NELFA: variants seen among roughly 807,000 people sequenced by gnomAD.
The protein encoded by NELFA is negative elongation factor A.
Under a neutral mutation model 51.8 loss-of-function variants are expected in NELFA, and 35 were observed. The ratio of observed to expected loss-of-function variants is 0.68; its 90% CI spans 0.52 to 0.90. The LOEUF is 0.90. Ranked by LOEUF, NELFA falls within the 40% of genes least tolerant of loss-of-function variation. NELFA has a pLI of 0.00. For synonymous variants in NELFA, 417 were observed against 338.4 expected, an observed-to-expected ratio of 1.23 and a Z score of -2.55; for missense variants, 658 against 746.4, an observed-to-expected ratio of 0.88 and a Z score of 1.38.
At chr4:2,001,907 G>GAA (rs34649516) in intron 1 of NELFA, among the ~76,000 whole-genome samples, 5 of 121,148 alleles carry the variant, frequency 4.1e-5, no homozygotes, top group South Asian at 2.7e-4. Flanking sequence ...TGTCTCAAAA[G>GAA]AAAAAAAAAA....
chr4:2,005,391 A>C (rs1296093370), intron 1 of NELFA, among the ~76,000 whole-genome samples: 1 of 152,160 alleles, frequency 6.6e-6, no homozygotes, highest in Non-Finnish European at 1.5e-5. Context: ...TAGAAAAAAA[A>C]AATTTTGCAA....
At chr4:2,001,379 A>G (rs936090200) in intron 1 of NELFA, among the ~76,000 whole-genome samples, 1 of 152,206 alleles carries the variant, frequency 6.6e-6, no homozygotes, top group African/African-American at 2.4e-5. Flanking sequence ...AGATGACATG[A>G]TTTTATATTT....
rs542750107 is a variant in NELFA, at chr4:2,004,730, C to T, written c.210+4020G>A. On this transcript the variant is annotated intron_variant, in intron 1 of 10. Transcript: ENST00000382882. Reference sequence around the variant, plus strand: ...CTCGAATGCCTGGGTTCAAGCAATCCGCCCATCTTGGCCTCCCAAAGTGCT... The same window carrying T: ...CTCGAATGCCTGGGTTCAAGCAATCTGCCCATCTTGGCCTCCCAAAGTGCT... Among the ~76,000 whole-genome samples the T allele has an allele frequency of 6.7e-5, 10 of 150,030 alleles. No individual in the cohort carries two copies. In the South Asian group the frequency reaches 1.1e-3, roughly 16 times the overall value.
rs1728665466 is a variant in NELFA at position 2,004,774 on chromosome 4, T to C, written c.210+3976A>G. 2.0e-5 allele frequency among the ~76,000 whole-genome samples: 3 copies of C among 149,528 alleles called. No individual in the cohort carries two copies. In the Admixed American group the frequency reaches 2.0e-4, roughly 10 times the overall value. ...AAGTGCTGAGATTACAGGCATGAGC[T>C]ACTGCACCCAGCTATACATTATATT... On this transcript the variant is annotated intron_variant, in intron 1 of 10. Coordinates refer to ENST00000382882, the MANE Select transcript of NELFA (RefSeq NM_005663.5).
At chr4:2,008,391 C>T (rs1452199508) in intron 1 of NELFA, among the ~76,000 whole-genome samples, 1 of 150,304 alleles carries the variant, frequency 6.7e-6, no homozygotes, top group Non-Finnish European at 1.5e-5. Context: ...ATTGAGGATC[C>T]CAGGGGAGGT....
At chr4:1,991,855 T>C in intron 1 of NELFA, 140 bp from the exon 2 acceptor site, 1 of 829,396 alleles carries the variant, frequency 1.2e-6, no homozygotes, top group Non-Finnish European at 1.8e-6. Context: ...AGGGCTCCCC[T>C]TCCTCTGAGC....
intron 1 of NELFA, among the ~76,000 whole-genome samples, chr4:1,994,905 T>A (rs1224893667): frequency 2.0e-5 from 3 of 151,724 alleles, no homozygotes; most frequent in African/African-American, 7.3e-5. Context: ...AGTGAACTGG[T>A]TGTAGAATTT....
chr4:2,006,449 A>G (rs1023653304), intron 1 of NELFA, among the ~76,000 whole-genome samples: 10 of 152,140 alleles, frequency 6.6e-5, no homozygotes, highest in African/African-American at 2.4e-4. Flanking sequence ...ATCTATGTTA[A>G]AACTAGGAGC....
At chr4:2,005,425 C>G (rs1188433939) in intron 1 of NELFA, among the ~76,000 whole-genome samples, 1 of 152,048 alleles carries the variant, frequency 6.6e-6, no homozygotes, top group Non-Finnish European at 1.5e-5. Flanking sequence ...AGCACAGATA[C>G]TAGTCACAAA....
chr4:1,992,452 C>G (rs1328717345), intron 1 of NELFA: 1 of 435,456 alleles, frequency 2.3e-6, no homozygotes, highest in African/African-American at 2.0e-5. Flanking sequence ...CCACATAAAC[C>G]CCCTCCCACG....
At chr4:1,996,289 T>A (rs1728421065) in intron 1 of NELFA, among the ~76,000 whole-genome samples, 1 of 152,164 alleles carries the variant, frequency 6.6e-6, no homozygotes, top group Admixed American at 6.5e-5. Context: ...TACACAGGGA[T>A]CAGTGAAGAA....
intron 1 of NELFA, among the ~76,000 whole-genome samples, chr4:2,002,328 T>C (rs1241198019): frequency 6.6e-6 from 1 of 152,206 alleles, no homozygotes; most frequent in Non-Finnish European, 1.5e-5. Context: ...ACAGATTCAA[T>C]GCTATTCCCA....
chr4:1,996,655 G>A (rs1728430731), intron 1 of NELFA, among the ~76,000 whole-genome samples: 1 of 152,230 alleles, frequency 6.6e-6, no homozygotes, highest in African/African-American at 2.4e-5. Context: ...GTTTGAGCTG[G>A]TCATATTGGC....
At chr4:1,998,010 T>C (rs1185449176) in intron 1 of NELFA, among the ~76,000 whole-genome samples, 1 of 151,946 alleles carries the variant, frequency 6.6e-6, no homozygotes, top group Non-Finnish European at 1.5e-5. Flanking sequence ...TGGCCTGAAG[T>C]GAACCCCCAG....
At chr4:1,991,455 G>A (rs1414386842) in intron 2 of NELFA, 89 bp downstream of exon 2, 33 of 1,364,164 alleles carry the variant, frequency 2.4e-5, no homozygotes, top group Non-Finnish European at 2.8e-5. Context: ...AAACGTAAAG[G>A]TCTAAAAATC....
At chr4:1,999,722 G>C (rs1728523294) in intron 1 of NELFA, among the ~76,000 whole-genome samples, 1 of 152,134 alleles carries the variant, frequency 6.6e-6, no homozygotes, top group Non-Finnish European at 1.5e-5. Context: ...GTCAATATTA[G>C]ATCAACGAGA....
intron 1 of NELFA, among the ~76,000 whole-genome samples, chr4:2,000,369 A>G (rs922376118): frequency 1.3e-5 from 2 of 152,162 alleles, no homozygotes; most frequent in Non-Finnish European, 2.9e-5. Context: ...GTTTTGTGAA[A>G]AAATTAACAA....
intron 1 of NELFA, among the ~76,000 whole-genome samples, chr4:1,998,088 C>A (rs928154837): frequency 7.1e-6 from 1 of 140,126 alleles, no homozygotes; most frequent in Admixed American, 7.0e-5. Context: ...CAGAAAACGA[C>A]AACAGCATCA....
At position 1,989,455 on chromosome 4, in the gene NELFA, G is replaced by C. The variant is rs1262144775; in HGVS notation, c.544+253C>G. Among the ~76,000 whole-genome samples, 5 of 152,176 alleles carry C rather than the reference G, an allele frequency of 3.3e-5. No homozygotes were observed. Among genetic ancestry groups the C allele is most frequent in the African/African-American group, 1.2e-4 (5 of 41,500 alleles). ...TGATCCTCCTACCTCAGCCTTCCGA[G>C]TAGCTGGGAGCACAGGCACGCACCA... On this transcript the variant is annotated intron_variant, in intron 3 of 10. Transcript: ENST00000382882. This position sits in a 1 kb window ranked among gnomAD's most constrained non-coding sequence, Gnocchi z 4.8.
Sources: gnomAD v4.1 joint callset for allele counts (sites outside exome capture counted in the v4.1 genomes callset) on GRCh38, gnomAD v4.1.1 for gene constraint, Gnocchi (gnomAD v3.1) non-coding constraint, MANE v1.5 for transcripts, NCBI Gene and HGNC (gene_info 2026-07-23, HGNC 2026-07-21) for gene names.